PYGB: variants seen among roughly 807,000 people sequenced by gnomAD.
PYGB encodes the protein glycogen phosphorylase B.
Under a neutral mutation model 94.3 loss-of-function variants are expected in PYGB, and 82 were observed. The ratio of observed to expected loss-of-function variants is 0.87; its 90% confidence interval spans 0.73 to 1.04. The LOEUF (loss-of-function observed/expected upper bound fraction) is 1.04. Among genes scored for constraint, PYGB ranks in the 50% least tolerant of loss-of-function variants. The probability of loss-of-function intolerance (pLI) is 0.00; values close to 1 mark genes in which losing one functional copy is unlikely to be tolerated. For missense variants in PYGB, 1,132 were observed against 1,158.2 expected, an observed-to-expected ratio of 0.98 and a Z score of 0.33; for synonymous variants, 488 against 479.1, an observed-to-expected ratio of 1.02 and a Z score of -0.24.
chr20:25,273,101 A>G (rs906592191), intron 4 of PYGB, among the ~76,000 whole-genome samples: 11 of 152,218 alleles, frequency 7.2e-5, no homozygotes, highest in Admixed American at 6.5e-5. Context: ...GAAGAAGTAA[A>G]TACAGGCAGG....
At chr20:25,295,860 G>A (rs1261588201) in intron 19 of PYGB, among the ~76,000 whole-genome samples, 190 bp downstream of exon 19, 10 of 152,148 alleles carry the variant, frequency 6.6e-5, no homozygotes, top group South Asian at 2.1e-4. Context: ...CACTCCCTCC[G>A]TTGAAAAAAA....
Position 25,283,201 on chromosome 20 carries a change from A to G in PYGB, c.1544A>G (p.Asp515Gly). The G allele has an allele frequency of 3.1e-6, 5 of 1,613,794 alleles. No homozygotes were observed. Among genetic ancestry groups the G allele is most frequent in the Non-Finnish European group, 4.2e-6 (5 of 1,179,828 alleles). Reference protein sequence around the residue: ...VEKIGEEFLTDLSQLKKLLPL... With the variant: ...VEKIGEEFLTGLSQLKKLLPL... ...AAAATTGGGGAGGAGTTCCTGACTG[A>G]CCTGAGCCAGCTGAAGAAGCTGCTG... Residue 515 changes from aspartate (D) to glycine (G), a missense_variant, in exon 13 of 20, where the codon GAC becomes GGC. Coordinates refer to ENST00000216962, the MANE Select transcript of PYGB (RefSeq NM_002862.4).
intron 2 of PYGB, 34 bp from the exon 3 acceptor site, chr20:25,269,095 A>G: frequency 6.7e-7 from 1 of 1,503,394 alleles, no homozygotes; most frequent in South Asian, 1.1e-5. Flanking sequence ...AATATTGAGT[A>G]ACATTAAAAT....
chr20:25,249,941 C>G (rs2092882927), intron 1 of PYGB, among the ~76,000 whole-genome samples: 1 of 152,006 alleles, frequency 6.6e-6, no homozygotes, highest in Non-Finnish European at 1.5e-5. Context: ...CCTCCGCCTC[C>G]CGGGTTCAAG....
At chr20:25,286,154 A>G (rs950173943) in intron 14 of PYGB, among the ~76,000 whole-genome samples, 1 of 152,214 alleles carries the variant, frequency 6.6e-6, no homozygotes, top group Non-Finnish European at 1.5e-5. Flanking sequence ...ATTTTCGCCA[A>G]TACTCCGGGT....
In PYGB at chr20:25,295,670, G is replaced by C. The variant is rs755039358; in HGVS notation, c.2379G>C (p.Arg793=). The part of the protein sequence containing the change: ...QCQAQVDQLY[R]NPKEWTKKVI... ...AGGCACAGGTGGACCAGCTGTACCG[G>C]GTGAGGCTCCTGGGTCCAGAGGCTA... The change falls in exon 19 of 20, where the codon CGG becomes CGC. Residue 793 remains arginine, a splice_region_variant and synonymous_variant. Coordinates refer to ENST00000216962, the MANE Select transcript of PYGB (RefSeq NM_002862.4). 3.1e-6 allele frequency: 5 copies of C among 1,613,022 alleles called. No homozygotes were observed. The highest frequency in any genetic ancestry group is 4.2e-6 in the Non-Finnish European group (5 of 1,179,038).
chr20:25,257,891 A>T (rs142012751), intron 1 of PYGB, among the ~76,000 whole-genome samples: 1 of 152,286 alleles, frequency 6.6e-6, no homozygotes, highest in African/African-American at 2.4e-5. Flanking sequence ...TGCTATGGAA[A>T]CCCCATAGAA....
chr20:25,289,349 A>T (rs113856180), intron 15 of PYGB, among the ~76,000 whole-genome samples: 2 of 152,246 alleles, frequency 1.3e-5, no homozygotes, highest in Non-Finnish European at 2.9e-5. Flanking sequence ...TTTAAATGTT[A>T]TTATGAAAAT....
intron 17 of PYGB, 143 bp from the exon 18 acceptor site, chr20:25,294,015 C>T: frequency 8.7e-7 from 1 of 1,153,762 alleles, no homozygotes; most frequent in Non-Finnish European, 1.2e-6. Flanking sequence ...CCCATGGCCA[C>T]TGGCTGCTGC....
intron 16 of PYGB, among the ~76,000 whole-genome samples, chr20:25,291,159 C>T (rs1411554578): frequency 2.6e-5 from 4 of 152,228 alleles, no homozygotes; most frequent in Non-Finnish European, 5.9e-5. Context: ...CCTGCCTGCT[C>T]TTGGGCCCAC....
At chr20:25,295,887 AG>A (rs2088535059) in intron 19 of PYGB, among the ~76,000 whole-genome samples, 1 of 152,198 alleles carries the variant, frequency 6.6e-6, no homozygotes, top group Admixed American at 6.5e-5. Flanking sequence ...CTAATGGCCA[AG>A]AAAGGAATGT....
chr20:25,271,398 C>T lies in PYGB; in HGVS notation c.440C>T (p.Ser147Leu), dbSNP rs751955480. The change falls in exon 4 of 20, where the codon TCA becomes TTA. Residue 147 changes from serine (S) to leucine (L), a missense_variant. Coordinates refer to ENST00000216962, the MANE Select transcript of PYGB (RefSeq NM_002862.4). ...ATTTTTTCAGCGTGTTTCCTTGACTCAATGGCTACCTTGGGCCTGGCAGCA... is the reference window on the plus strand; with the variant it reads ...ATTTTTTCAGCGTGTTTCCTTGACTTAATGGCTACCTTGGGCCTGGCAGCA... ...LGRLAACFLD[S>L]MATLGLAAYG... 1 of 1,614,178 alleles carries T rather than the reference C, an allele frequency of 6.2e-7. No individual in the cohort carries two copies. Among genetic ancestry groups the T allele is most frequent in the Non-Finnish European group, 8.5e-7 (1 of 1,180,026 alleles).
chr20:25,252,096 A>G (rs1267028204), intron 1 of PYGB, among the ~76,000 whole-genome samples: 3 of 152,220 alleles, frequency 2.0e-5, no homozygotes, highest in Admixed American at 2.0e-4. Context: ...TTGAGCTTGC[A>G]TCTCCTGGGC....
intron 1 of PYGB, among the ~76,000 whole-genome samples, chr20:25,253,955 C>CCACTTGGGGTACTGAGG (rs1568681868): frequency 6.6e-6 from 1 of 151,908 alleles, no homozygotes; most frequent in Non-Finnish European, 1.5e-5. Flanking sequence ...GCCTGTAGTC[C>CCACTTGGGGTACTGAGG]CAGGTACTTG....
intron 11 of PYGB, among the ~76,000 whole-genome samples, chr20:25,281,773 A>G (rs984840593): frequency 2.0e-5 from 3 of 152,130 alleles, no homozygotes; most frequent in African/African-American, 7.2e-5. Context: ...CGCTCTGGAG[A>G]ATGGCCAGGC....
chr20:25,248,699 C>T (rs1282073796), intron 1 of PYGB, among the ~76,000 whole-genome samples: 2 of 152,228 alleles, frequency 1.3e-5, no homozygotes, highest in African/African-American at 4.8e-5. Flanking sequence ...GCCCGGGAGC[C>T]TGGCGGACGT....
At chr20:25,276,624 G>A in intron 5 of PYGB, 22 bp from the exon 6 acceptor site, 1 of 1,606,458 alleles carries the variant, frequency 6.2e-7, no homozygotes, top group Non-Finnish European at 8.5e-7. Context: ...ACTCCGTCCT[G>A]AGCAACCCGT....
In PYGB at chr20:25,266,809, C is replaced by T. The variant is rs111274603; in HGVS notation, c.346-2320C>T. 7.3e-3 allele frequency among the ~76,000 whole-genome samples: 1,117 copies of T among 152,272 alleles called. 5 individuals are homozygous for T. The highest frequency in any genetic ancestry group is 0.02 in the Middle Eastern group (6 of 294). On this transcript the variant is annotated intron_variant, in intron 2 of 19. Transcript: ENST00000216962. Reference sequence around the variant, plus strand: ...AATGCAAATCAAAACCACAATGAGACGCCGCTGTATTCCCACAAGAATGGC... The same window carrying T: ...AATGCAAATCAAAACCACAATGAGATGCCGCTGTATTCCCACAAGAATGGC...
intron 1 of PYGB, among the ~76,000 whole-genome samples, chr20:25,249,076 T>A (rs780677606): frequency 1.3e-5 from 2 of 152,240 alleles, no homozygotes; most frequent in Non-Finnish European, 2.9e-5. Flanking sequence ...TACTAATTGT[T>A]ACTTTTTATA....
Sources: allele counts gnomAD v4.1 joint callset (sites outside exome capture counted in the v4.1 genomes callset), GRCh38; gene constraint gnomAD v4.1.1; transcripts MANE v1.5; gene names NCBI Gene and HGNC (gene_info 2026-07-23, HGNC 2026-07-21).